PAM: variants seen among roughly 807,000 people sequenced by gnomAD.
PAM encodes peptidyl-glycine alpha-amidating monooxygenase.
A neutral mutation model predicts 122.1 loss-of-function variants in PAM; 72 were observed. That is an observed-to-expected ratio of 0.59 (90% confidence interval 0.49 to 0.72). The LOEUF is 0.72. PAM is among the 30% of genes least tolerant of loss of function. The pLI is 0.00. For missense variants in PAM, 1,106 were observed against 1,183.7 expected (o/e 0.93, Z 0.96); for synonymous variants, 389 against 404.4 (o/e 0.96, Z 0.46).
At chr5:102,883,946 C>CT (rs1792152212) in intron 3 of PAM, among the ~76,000 whole-genome samples, 2 of 151,880 alleles carry the variant, frequency 1.3e-5, no homozygotes, top group Admixed American at 1.3e-4. Flanking sequence ...TTGTCAGATG[C>CT]TTTTTTGTGT....
At chr5:103,025,508 T>C (rs1784712225) in intron 24 of PAM, 174 bp downstream of exon 24, 3 of 645,126 alleles carry the variant, frequency 4.7e-6, no homozygotes, top group South Asian at 1.8e-5. Flanking sequence ...CTAGTTAATA[T>C]CACAGTACAA....
chr5:102,836,093 G>A (rs926505857), intron 1 of PAM, among the ~76,000 whole-genome samples: 2 of 152,184 alleles, frequency 1.3e-5, no homozygotes, highest in South Asian at 2.1e-4. Context: ...GCAGATTAAT[G>A]TAGAGATGTT....
chr5:102,780,962 CT>C (rs997653552), intron 1 of PAM, among the ~76,000 whole-genome samples: 2 of 151,706 alleles, frequency 1.3e-5, no homozygotes, highest in African/African-American at 2.4e-5. Flanking sequence ...CTTCTACCCC[CT>C]GGATGTCAGT....
intron 1 of PAM, among the ~76,000 whole-genome samples, chr5:102,859,474 A>G (rs1397589684): frequency 6.6e-6 from 1 of 152,168 alleles, no homozygotes; most frequent in Admixed American, 6.5e-5. Flanking sequence ...ATATACTTGT[A>G]CAATGCATTT....
At chr5:102,804,807 G>A (rs1420508976) in intron 1 of PAM, among the ~76,000 whole-genome samples, 1 of 152,144 alleles carries the variant, frequency 6.6e-6, no homozygotes, top group Non-Finnish European at 1.5e-5. Flanking sequence ...CTGACAGTCA[G>A]GGCTTTAGAA....
At chr5:102,905,635 A>G (rs1581551177) in intron 4 of PAM, among the ~76,000 whole-genome samples, 1 of 151,618 alleles carries the variant, frequency 6.6e-6, no homozygotes, top group Non-Finnish European at 1.5e-5. Flanking sequence ...GGCAGGGTAC[A>G]TTGCTCGTAT....
chr5:102,844,984 C>G (rs567523031), intron 1 of PAM, among the ~76,000 whole-genome samples: 2 of 152,282 alleles, frequency 1.3e-5, no homozygotes, highest in Admixed American at 6.5e-5. Context: ...TCCTCTCAAC[C>G]TGTGTTATCC....
chr5:102,822,020 C>G (rs1451961085), intron 1 of PAM, among the ~76,000 whole-genome samples: 2 of 151,998 alleles, frequency 1.3e-5, no homozygotes, highest in African/African-American at 4.8e-5. Flanking sequence ...ATTATTTACC[C>G]AATTTGGGGG....
rs1329064623 is a variant in PAM, at chr5:102,867,314, G to C, written c.131G>C (p.Gly44Ala). 1 of 1,599,670 alleles carries C rather than the reference G, an allele frequency of 6.3e-7. No homozygotes were observed. Among genetic ancestry groups the C allele is most frequent in the East Asian group, 2.2e-5 (1 of 44,750 alleles). ...AGACCATTTTCCAATGAATGTCTTG[G>C]TACCACCAGACCCGTAGTTCCTATT... Reference protein sequence around the residue: ...TTRPFSNECLGTTRPVVPIDS... With the variant: ...TTRPFSNECLATTRPVVPIDS... Residue 44 changes from glycine to alanine, a missense_variant, in exon 3 of 26, where the codon GGT becomes GCT. Coordinates refer to ENST00000438793, the MANE Select transcript of PAM (RefSeq NM_001177306.2).
chr5:102,938,942 C>A (rs1046300760), intron 7 of PAM, among the ~76,000 whole-genome samples: 1 of 152,026 alleles, frequency 6.6e-6, no homozygotes, highest in Admixed American at 6.6e-5. Flanking sequence ...TTATTATGTT[C>A]TAGGAATTCT....
intron 7 of PAM, among the ~76,000 whole-genome samples, chr5:102,941,151 A>G (rs1203297387): frequency 1.3e-5 from 2 of 152,222 alleles, no homozygotes; most frequent in Non-Finnish European, 2.9e-5. Context: ...TAGGTGTGCC[A>G]TAACATCCTC....
intron 14 of PAM, among the ~76,000 whole-genome samples, chr5:102,972,905 A>C (rs1301916905): frequency 6.6e-6 from 1 of 152,206 alleles, no homozygotes; most frequent in Non-Finnish European, 1.5e-5. Flanking sequence ...TGAAACATTA[A>C]ACCAAGACTA....
intron 7 of PAM, among the ~76,000 whole-genome samples, chr5:102,941,952 C>T (rs1561970028): frequency 6.6e-6 from 1 of 151,698 alleles, no homozygotes; most frequent in Non-Finnish European, 1.5e-5. Flanking sequence ...GCTTTTCCCT[C>T]AGTTGGGTTC....
intron 12 of PAM, among the ~76,000 whole-genome samples, chr5:102,959,275 C>T (rs750228811): frequency 3.3e-5 from 5 of 151,954 alleles, no homozygotes; most frequent in Non-Finnish European, 7.4e-5. Context: ...CTATAAAAGC[C>T]TAGTTGCCAA....
At chr5:102,962,665 T>C (rs527721547) in intron 14 of PAM, among the ~76,000 whole-genome samples, 3 of 151,998 alleles carry the variant, frequency 2.0e-5, no homozygotes, top group South Asian at 4.1e-4. Flanking sequence ...CTGACACTTC[T>C]AAAAGGTTAA....
intron 1 of PAM, among the ~76,000 whole-genome samples, chr5:102,803,113 A>C (rs992704716): frequency 1.3e-5 from 2 of 149,760 alleles, no homozygotes; most frequent in African/African-American, 4.9e-5. Context: ...ACAGAGAGAG[A>C]TTCTGTGTCC....
chr5:102,917,031 G>A (rs1055871026), intron 5 of PAM, among the ~76,000 whole-genome samples: 4 of 151,960 alleles, frequency 2.6e-5, no homozygotes, highest in African/African-American at 9.7e-5. Context: ...ACCACACCCA[G>A]CCACAGGCCT....
intron 15 of PAM, among the ~76,000 whole-genome samples, chr5:102,976,446 C>A (rs1485501674): frequency 6.6e-6 from 1 of 151,948 alleles, no homozygotes; most frequent in Non-Finnish European, 1.5e-5. Flanking sequence ...GCATATAAGG[C>A]CCTAATAAAA....
Position 103,006,893 on chromosome 5 carries a change from A to G in PAM, c.1896A>G (p.Gln632=), listed in dbSNP as rs774261492. 4 of 1,613,890 alleles carry G rather than the reference A, an allele frequency of 2.5e-6. No homozygotes were observed. Among genetic ancestry groups the G allele is most frequent in the Non-Finnish European group, 3.4e-6 (4 of 1,179,778 alleles). ...GCAGTGACCAGAATCACTTCTGTCA[A>G]CCCACTGATGTGGCTGTGGATCCAG... ...QPGSDQNHFC[Q]PTDVAVDPGT... is the part of the protein sequence containing the mutation. The change falls in exon 19 of 26, where the codon CAA becomes CAG. Residue 632 remains glutamine (Q), a synonymous_variant. Coordinates refer to ENST00000438793, the MANE Select transcript of PAM (RefSeq NM_001177306.2).
Sources: allele counts gnomAD v4.1 joint callset (sites outside exome capture counted in the v4.1 genomes callset), GRCh38; gene constraint gnomAD v4.1.1; transcripts MANE v1.5; gene names NCBI Gene and HGNC (gene_info 2026-07-23, HGNC 2026-07-21).